The following EIF4E3 variants were observed in gnomAD, a reference collection of about 807,000 sequenced individuals.
The protein encoded by EIF4E3 is eukaryotic translation initiation factor 4E type 3.
A neutral mutation model predicts 31.7 loss-of-function variants in EIF4E3; 26 were observed. The observed-to-expected ratio is 0.82, with a 90% CI of 0.60 to 1.14. The LOEUF (loss-of-function observed/expected upper bound fraction) is 1.14. Ranked by LOEUF, EIF4E3 falls within the 50% of genes most tolerant of loss-of-function variation. The pLI, the probability that EIF4E3 is intolerant of heterozygous loss-of-function variation, is 0.00. For missense variants in EIF4E3, 304 were observed against 270.9 expected, an observed-to-expected ratio of 1.12 and a Z score of -0.86; for synonymous variants, 128 against 107.7, an observed-to-expected ratio of 1.19 and a Z score of -1.17.
rs1316120579 is a variant in EIF4E3 at position 71,748,040 on chromosome 3, A to G, written c.-291+5423T>C. Among the ~76,000 whole-genome samples the G allele has an allele frequency of 2.6e-5, 4 of 152,186 alleles. No individual in the cohort carries two copies. The South Asian group carries it at 6.2e-4, about 24-fold the overall frequency. On this transcript the variant is annotated intron_variant, in intron 1 of 7. Coordinates refer to the EIF4E3 transcript ENST00000295612. Reference sequence around the variant, plus strand: ...TTTCCTTCCCAACATTCAAGTGGATAGCAGGCTCTGGGCTTCCTTGACTAG... The same window carrying G: ...TTTCCTTCCCAACATTCAAGTGGATGGCAGGCTCTGGGCTTCCTTGACTAG...
Position 71,680,627 on chromosome 3 carries a change from A to C in EIF4E3, c.*4055T>G, listed in dbSNP as rs953442241. The C allele has an allele frequency of 2.0e-5, 3 of 152,166 alleles. No individual in the cohort carries two copies. Among genetic ancestry groups the C allele is most frequent in the African/African-American group, 7.2e-5 (3 of 41,436 alleles). The allele number at this position is 152,166 out of a possible 1,614,324, so 9.4% of individuals were successfully genotyped here. A position where few individuals can be genotyped will look rare whatever the true frequency, so the allele number is the denominator to read the frequency against. ...GAACAGTATAATCTGACATGAAAGG[A>C]ATCTATTTGGGATTTCTTCTTGGGA... On this transcript the variant is annotated 3_prime_UTR_variant, in exon 7 of 7. Transcript: ENST00000425534.
At chr3:71,675,152 C>G (rs1272016642), downstream of EIF4E3, among the ~76,000 whole-genome samples, 1 of 152,190 alleles carries the variant, frequency 6.6e-6, no homozygotes, top group Non-Finnish European at 1.5e-5. Context: ...CCTTTCCAAT[C>G]CCTGGTAGAA....
At chr3:71,742,230 G>T (rs141228690) in intron 1 of EIF4E3, among the ~76,000 whole-genome samples, 1 of 152,132 alleles carries the variant, frequency 6.6e-6, no homozygotes, top group African/African-American at 2.4e-5. Context: ...ATTTGAGACT[G>T]AAAAAAATGA....
chr3:71,686,382 T>C (rs1346404631), intron 6 of EIF4E3, among the ~76,000 whole-genome samples: 1 of 152,180 alleles, frequency 6.6e-6, no homozygotes, highest in Admixed American at 6.5e-5. Context: ...TCTTGGACGT[T>C]CACCCCAACC....
chr3:71,698,001 A>G (rs886551875), intron 3 of EIF4E3, among the ~76,000 whole-genome samples: 60 of 152,204 alleles, frequency 3.9e-4, no homozygotes, highest in African/African-American at 1.4e-3. Flanking sequence ...TGTTCTCCAT[A>G]GTTGGCTGTG....
intron 1 of EIF4E3, among the ~76,000 whole-genome samples, chr3:71,750,984 G>T (rs1343924164): frequency 6.6e-6 from 1 of 151,674 alleles, no homozygotes; most frequent in Non-Finnish European, 1.5e-5. Flanking sequence ...GGATAGTCTC[G>T]ATCTCCTGAC....
chr3:71,754,316 G>A (rs1309341064), upstream of EIF4E3: 10 of 1,159,766 alleles, frequency 8.6e-6, no homozygotes, highest in African/African-American at 1.5e-4. This position sits in a 1 kb window ranked among gnomAD's most constrained non-coding sequence, Gnocchi z 5.8. Flanking sequence ...CGGGGGCGCC[G>A]CCGGGCGCGC....
In EIF4E3 at chr3:71,680,674, C is replaced by G. The variant is rs1283225220; in HGVS notation, c.*4008G>C. 8 of 152,330 alleles carry G rather than the reference C, an allele frequency of 5.3e-5. No individual in the cohort carries two copies. In the South Asian group the frequency reaches 8.3e-4, roughly 16 times the overall value. The allele number at this position is 152,330 out of a possible 1,614,324, so 9.4% of individuals were successfully genotyped here. On this transcript the variant is annotated 3_prime_UTR_variant, in exon 7 of 7. Coordinates refer to ENST00000425534, the MANE Select transcript of EIF4E3 (RefSeq NM_001134651.2). Reference sequence around the variant, plus strand: ...GGGAGAAGTAGAGGGGCAACCCACTCTAATTGCTATAAATGACCACAGGTT... The same window carrying G: ...GGGAGAAGTAGAGGGGCAACCCACTGTAATTGCTATAAATGACCACAGGTT...
At chr3:71,738,236 C>T (rs911079037) in intron 1 of EIF4E3, among the ~76,000 whole-genome samples, 2 of 152,258 alleles carry the variant, frequency 1.3e-5, no homozygotes, top group South Asian at 2.1e-4. Context: ...CCTTGCAAGA[C>T]AGAAAACTAA....
At chr3:71,702,792 G>A (rs1383976579) in intron 2 of EIF4E3, among the ~76,000 whole-genome samples, 2 of 151,116 alleles carry the variant, frequency 1.3e-5, no homozygotes, top group East Asian at 1.9e-4. Flanking sequence ...TCATCCAATA[G>A]GTAGAATATT....
intron 1 of EIF4E3, among the ~76,000 whole-genome samples, chr3:71,724,348 T>C (rs986672492): frequency 1.3e-5 from 2 of 152,156 alleles, no homozygotes; most frequent in African/African-American, 2.4e-5. Flanking sequence ...AGGGGAGGTG[T>C]TGAGGAGCTG....
At chr3:71,721,403 G>C (rs1387095436) in intron 1 of EIF4E3, among the ~76,000 whole-genome samples, 3 of 152,172 alleles carry the variant, frequency 2.0e-5, no homozygotes, top group Non-Finnish European at 4.4e-5. Context: ...GGGGCTCGGG[G>C]TGTGTGTGTC....
At chr3:71,695,352 C>A (rs558182031) in intron 4 of EIF4E3, among the ~76,000 whole-genome samples, 3 of 152,192 alleles carry the variant, frequency 2.0e-5, no homozygotes, top group Non-Finnish European at 4.4e-5. Context: ...TGTGACCCAA[C>A]GCAGCCAAGT....
At chr3:71,666,532 C>T in the EIF4E3 span, among the ~76,000 whole-genome samples, 1 of 152,206 alleles carries the variant, frequency 6.6e-6, no homozygotes, top group Non-Finnish European at 1.5e-5. Flanking sequence ...GGAGCTGGTA[C>T]CATTCCTTCT....
chr3:71,671,287 T>G (rs1231878599), downstream of EIF4E3, among the ~76,000 whole-genome samples: 1 of 151,976 alleles, frequency 6.6e-6, no homozygotes, highest in African/African-American at 2.4e-5. Flanking sequence ...TGGCTCACCC[T>G]CAGAGCATCC....
intron 1 of EIF4E3, among the ~76,000 whole-genome samples, chr3:71,745,449 T>C (rs532077943): frequency 2.0e-5 from 3 of 152,340 alleles, no homozygotes; most frequent in South Asian, 2.1e-4. Flanking sequence ...ACCTGTTCCA[T>C]AGTTCAGAAC....
At chr3:71,734,449 G>A (rs1237441927) in intron 1 of EIF4E3, among the ~76,000 whole-genome samples, 2 of 152,132 alleles carry the variant, frequency 1.3e-5, no homozygotes, top group South Asian at 2.1e-4. Flanking sequence ...TAAGGGTCAT[G>A]TCTGCTTGCC....
chr3:71,670,140 G>A, the EIF4E3 span, among the ~76,000 whole-genome samples: 1 of 152,174 alleles, frequency 6.6e-6, no homozygotes, highest in Non-Finnish European at 1.5e-5. Context: ...ACTGTCGAAC[G>A]TCAGGGGGCT....
intron 3 of EIF4E3, among the ~76,000 whole-genome samples, chr3:71,697,297 A>G (rs2049153033): frequency 6.6e-6 from 1 of 152,210 alleles, no homozygotes; most frequent in South Asian, 2.1e-4. Flanking sequence ...CTGGGATTAC[A>G]GGCATGAGCC....
Sources: gnomAD v4.1 joint callset for allele counts (sites outside exome capture counted in the v4.1 genomes callset) on GRCh38, gnomAD v4.1.1 for gene constraint, Gnocchi (gnomAD v3.1) non-coding constraint, MANE v1.5 for transcripts, NCBI Gene and HGNC (gene_info 2026-07-23, HGNC 2026-07-21) for gene names.